Variants in UNG observed in about 807,000 individuals in gnomAD.
UNG encodes uracil DNA glycosylase.
In UNG, 34 loss-of-function variants were observed where a neutral mutation model predicts 36.5. That is an observed-to-expected ratio of 0.93 (90% CI 0.71 to 1.24). UNG has a LOEUF of 1.24. Ranked by LOEUF, UNG falls within the 50% of genes most tolerant of loss-of-function variation. The pLI, the probability that UNG is intolerant of heterozygous loss-of-function variation, is 0.00. For synonymous variants in UNG, 172 were observed against 157.8 expected (o/e 1.09, Z -0.67); for missense variants, 391 against 397.6 (o/e 0.98, Z 0.14).
chr12:109,101,582 C>T (rs2042177141), intron 3 of UNG, among the ~76,000 whole-genome samples: 1 of 152,006 alleles, frequency 6.6e-6, no homozygotes, highest in Non-Finnish European at 1.5e-5. Context: ...TAGTGGTGCA[C>T]TCCTGTGGGC....
intron 5 of UNG, among the ~76,000 whole-genome samples, chr12:109,103,203 G>T (rs951176101): frequency 6.6e-6 from 1 of 152,046 alleles, no homozygotes; most frequent in African/African-American, 2.4e-5. Context: ...TGATCCGCCC[G>T]ACTCGGCTTC....
chr12:109,098,378 C>G, intron 1 of UNG, 54 bp from the exon 2 acceptor site: 5 of 1,602,510 alleles, frequency 3.1e-6, no homozygotes, highest in Non-Finnish European at 4.3e-6. Context: ...GCTGCGGACG[C>G]CTGGGAAGGG....
chr12:109,098,128 G>C, intron 1 of UNG: 2 of 1,387,500 alleles, frequency 1.4e-6, no homozygotes, highest in East Asian at 2.7e-5. Context: ...AAAAGACCAC[G>C]TGGGGACGCG....
At chr12:109,104,055 G>GTTTTTTGTTTTT (rs113097970) in intron 6 of UNG, among the ~76,000 whole-genome samples, 6 of 148,220 alleles carry the variant, frequency 4.0e-5, no homozygotes, top group Non-Finnish European at 5.9e-5. Flanking sequence ...TTGTTTCTGG[G>GTTTTTTGTTTTT]TTTTTTGTTT....
At chr12:109,099,140 T>C (rs750299240) in intron 2 of UNG, 49 bp from the exon 3 acceptor site, 21 of 1,527,298 alleles carry the variant, frequency 1.4e-5, no homozygotes, top group Non-Finnish European at 1.8e-5. Flanking sequence ...TGAATTCTTA[T>C]GGTTTCCAAT....
intron 1 of UNG, chr12:109,098,214 A>G: frequency 4.8e-6 from 7 of 1,457,618 alleles, no homozygotes; most frequent in African/African-American, 1.4e-5. Context: ...GGGAAGCCAT[A>G]GGGCGCCTCC....
intron 5 of UNG, among the ~76,000 whole-genome samples, 200 bp from the exon 6 acceptor site, chr12:109,103,233 G>C (rs1321253932): frequency 6.6e-6 from 1 of 152,208 alleles, no homozygotes; most frequent in Non-Finnish European, 1.5e-5. Context: ...TGGGATTACA[G>C]GCATAAGCCA....
intron 1 of UNG, chr12:109,098,117 G>A: frequency 7.3e-7 from 1 of 1,372,170 alleles, no homozygotes. Context: ...TTTTTGCCGC[G>A]AAAAGACCAC....
chr12:109,102,079 T>C (rs769043184), intron 4 of UNG, 80 bp downstream of exon 4: 47 of 1,278,650 alleles, frequency 3.7e-5, no homozygotes, highest in Non-Finnish European at 5.2e-5. Context: ...AGTGGGACTA[T>C]CTGGGGCACT....
chr12:109,109,763 C>CAGAAAA, intron 6 of UNG, 66 bp from the exon 7 acceptor site: 1 of 1,300,500 alleles, frequency 7.7e-7, no homozygotes, highest in Non-Finnish European at 1.0e-6. Flanking sequence ...GACTCTGTCT[C>CAGAAAA]AAAAAAAAAA....
intron 5 of UNG, 30 bp from the exon 6 acceptor site, chr12:109,103,403 A>G (rs1238042161): frequency 6.2e-7 from 1 of 1,611,510 alleles, no homozygotes; most frequent in Non-Finnish European, 8.5e-7. Flanking sequence ...GCCTGAGCCT[A>G]CATTTAACCT....
chr12:109,104,207 G>A (rs111664399), intron 6 of UNG, among the ~76,000 whole-genome samples: 23 of 151,874 alleles, frequency 1.5e-4, no homozygotes, highest in Admixed American at 9.8e-4. Flanking sequence ...CACCACACCC[G>A]GCTGATTTTT....
chr12:109,108,557 A>G (rs1046257625), intron 6 of UNG, among the ~76,000 whole-genome samples: 2 of 152,034 alleles, frequency 1.3e-5, no homozygotes, highest in Non-Finnish European at 2.9e-5. Flanking sequence ...ACTTGAGCCT[A>G]GGAGGTGGAG....
At chr12:109,098,227 G>A in intron 1 of UNG, 1 of 1,478,732 alleles carries the variant, frequency 6.8e-7, no homozygotes, top group Non-Finnish European at 8.9e-7. Context: ...GCGCCTCCCA[G>A]CCCGTCTCCC....
At position 109,097,813 on chromosome 12, in the gene UNG, T is replaced by C; in HGVS notation, c.132+2T>C. ...CCTGAGGAAAGCGGAGATGCGGCGG[T>C]GAGGCGCGGCTTGGGCCGGGGCTAG... On this transcript the variant is annotated splice_donor_variant, in intron 1 of 6. Coordinates refer to ENST00000242576, the MANE Select transcript of UNG (RefSeq NM_080911.3). LOFTEE classifies it high-confidence loss of function. 6.5e-7 allele frequency: 1 copy of C among 1,541,376 alleles called. No individual in the cohort carries two copies. Among genetic ancestry groups the C allele is most frequent in the Non-Finnish European group, 8.8e-7 (1 of 1,140,882 alleles).
At chr12:109,109,505 C>T (rs1004471604) in intron 6 of UNG, among the ~76,000 whole-genome samples, 3 of 151,304 alleles carry the variant, frequency 2.0e-5, no homozygotes, top group South Asian at 2.1e-4. Flanking sequence ...AAGTCCCGGC[C>T]GGGCATGGTG....
intron 6 of UNG, among the ~76,000 whole-genome samples, chr12:109,104,841 T>C (rs920154657): frequency 4.6e-5 from 7 of 152,094 alleles, no homozygotes; most frequent in African/African-American, 1.7e-4. Context: ...TAGTTTTTGG[T>C]GTATCAGCAG....
intron 1 of UNG, chr12:109,098,030 A>G (rs2042144829): frequency 2.3e-6 from 3 of 1,330,956 alleles, no homozygotes; most frequent in African/African-American, 3.0e-5. Context: ...CATGGCGCCA[A>G]TCCGCGCGCC....
intron 1 of UNG, chr12:109,098,198 C>G (rs1004897679): frequency 2.1e-6 from 3 of 1,433,310 alleles, no homozygotes; most frequent in East Asian, 2.5e-5. Context: ...CACCGCGACG[C>G]TCCTCGGGAA....
Sources: gnomAD v4.1 joint callset for allele counts (sites outside exome capture counted in the v4.1 genomes callset) on GRCh38, gnomAD v4.1.1 for gene constraint, MANE v1.5 for transcripts, NCBI Gene and HGNC (gene_info 2026-07-23, HGNC 2026-07-21) for gene names.